The following PLEKHH1 variants were observed in gnomAD, a reference collection of about 807,000 sequenced individuals.
The protein encoded by PLEKHH1 is pleckstrin homology, MyTH4 and FERM domain containing H1.
In PLEKHH1, 104 loss-of-function variants were observed where a neutral mutation model predicts 160.0. The ratio of observed to expected loss-of-function variants is 0.65; its 90% CI spans 0.55 to 0.76. The LOEUF is 0.76. Ranked by LOEUF, PLEKHH1 falls within the 30% of genes least tolerant of loss-of-function variation. PLEKHH1 has a pLI of 0.00. For missense variants in PLEKHH1, 1,427 were observed against 1,724.1 expected (o/e 0.83, Z 3.05); for synonymous variants, 619 against 678.4 (o/e 0.91, Z 1.36).
At chr14:67,586,329 C>T (rs1401420747) in intron 28 of PLEKHH1, 3 of 1,365,734 alleles carry the variant, frequency 2.2e-6, no homozygotes, top group African/African-American at 2.9e-5. Flanking sequence ...GGCCTAGCTA[C>T]TATTATGCTC....
intron 2 of PLEKHH1, among the ~76,000 whole-genome samples, chr14:67,552,248 A>T (rs913519368): frequency 3.3e-5 from 5 of 152,216 alleles, no homozygotes; most frequent in African/African-American, 1.2e-4. Flanking sequence ...AGCTGAGGAC[A>T]TGGTCCTAGA....
intron 7 of PLEKHH1, 179 bp from the exon 8 acceptor site, chr14:67,568,959 A>C (rs1347097274): frequency 1.7e-6 from 1 of 584,924 alleles, no homozygotes; most frequent in East Asian, 2.9e-5. Flanking sequence ...TATTACCTCC[A>C]TTTAGAGCAG....
Position 67,557,297 on chromosome 14 carries a change from TATCCAATCTGAAGAATGTGGACTCTG to T in PLEKHH1, c.220_245del (p.Ser74GlyfsTer19). The T allele has an allele frequency of 6.2e-7, 1 of 1,613,802 alleles. No homozygotes were observed. Among genetic ancestry groups the T allele is most frequent in the Non-Finnish European group, 8.5e-7 (1 of 1,179,714 alleles). On this transcript the variant is annotated frameshift_variant, in exon 4 of 29. Transcript: ENST00000329153. LOFTEE classifies it high-confidence loss of function. ...GGTGTCATGGAAGAGAAGGTAAAAC[TATCCAATCTGAAGAATGTGGACTCTG>T]AGGGGAGCCTGCACCGGAAATACCA...
chr14:67,554,893 C>A (rs1371001646), intron 2 of PLEKHH1, among the ~76,000 whole-genome samples: 4 of 152,172 alleles, frequency 2.6e-5, no homozygotes, highest in African/African-American at 9.7e-5. Flanking sequence ...CCTCTACTGG[C>A]AGCAAGACAG....
Position 67,587,135 on chromosome 14 carries a change from C to T in PLEKHH1, c.3995C>T (p.Pro1332Leu), listed in dbSNP as rs1269022236. The T allele has an allele frequency of 1.9e-6, 3 of 1,613,970 alleles. No individual in the cohort carries two copies. The highest frequency in any genetic ancestry group is 2.2e-5 in the East Asian group (1 of 44,882). Residue 1332 changes from proline to leucine, a missense_variant, in exon 29 of 29, where the codon CCC becomes CTC. Pro to Leu is a moderately conservative substitution (Grantham distance 98, BLOSUM62 -3). Transcript: ENST00000329153. ...YMNHCTTTVN[P>L]PTNPPGACQL... ...AACCATTGCACTACAACTGTGAACCCCCCCACCAACCCACCCGGAGCCTGC... is the reference window on the plus strand; with the variant it reads ...AACCATTGCACTACAACTGTGAACCTCCCCACCAACCCACCCGGAGCCTGC...
Position 67,574,445 on chromosome 14 carries a change from C to A in PLEKHH1, c.2088+42C>A, listed in dbSNP as rs369575634. ...ATAGGGCAGGAACATGTGCCTCCTG[C>A]GAATCAGGGGAGCCAGGATTGGGGT... On this transcript the variant is annotated intron_variant, in intron 14 of 28. Transcript: ENST00000329153. This position sits in a 1 kb window ranked among gnomAD's most constrained non-coding sequence, Gnocchi z 4.2. 2 of 1,423,306 alleles carry A rather than the reference C, an allele frequency of 1.4e-6. No individual in the cohort carries two copies. Among genetic ancestry groups the A allele is most frequent in the Non-Finnish European group, 1.9e-6 (2 of 1,076,854 alleles). 88.2% of individuals were successfully genotyped at this position (1,423,306 alleles called of 1,614,324 possible).
Position 67,574,383 on chromosome 14 carries a change from G to T in PLEKHH1, c.2068G>T (p.Val690Leu), listed in dbSNP as rs760010101. ...ALLRGGTKPT[V>L]KGWLTKVKHG... ...GCTTCGGGGTGGCACCAAGCCCACCGTGAAGGGCTGGCTGACCAAGGTAGA... is the reference window on the plus strand; with the variant it reads ...GCTTCGGGGTGGCACCAAGCCCACCTTGAAGGGCTGGCTGACCAAGGTAGA... The change falls in exon 14 of 29, where the codon GTG (valine) becomes TTG (leucine). Residue 690 changes from valine (V) to leucine (L), a missense_variant. Val to Leu is a conservative substitution (Grantham distance 32). This residue lies in a region of PLEKHH1 where 831 missense variants were observed against 929.2 expected (regional missense o/e 0.89). Coordinates refer to ENST00000329153, the MANE Select transcript of PLEKHH1 (RefSeq NM_020715.3). The surrounding 1 kb of genome is among the most constrained non-coding windows in gnomAD (Gnocchi z 4.2). The T allele has an allele frequency of 1.4e-5, 22 of 1,580,610 alleles. No homozygotes were observed. The Admixed American group carries it at 2.4e-4, about 17-fold the overall frequency.
chr14:67,573,397 C>T lies in PLEKHH1; in HGVS notation c.1839+11C>T, dbSNP rs1041622995. On this transcript the variant is annotated intron_variant, in intron 12 of 28. Coordinates refer to ENST00000329153, the MANE Select transcript of PLEKHH1 (RefSeq NM_020715.3). The surrounding 1 kb of genome is among the most constrained non-coding windows in gnomAD (Gnocchi z 4.8). ...TACTACAAGTCCCCGGTGAGAGTCT[C>T]CCCGCCCAGCACTGCAGTCAAAAGG... is the stretch of plus-strand genomic sequence containing the variant. The T allele has an allele frequency of 6.7e-7, 1 of 1,490,554 alleles. No homozygotes were observed. The highest frequency in any genetic ancestry group is 1.4e-5 in the African/African-American group (1 of 72,604). The allele number at this position is 1,490,554 out of a possible 1,614,324, so 92.3% of individuals were successfully genotyped here.
rs368134102 is a variant in PLEKHH1 at position 67,573,293 on chromosome 14, G to A, written c.1746G>A (p.Ser582=). ...CCCCTCAGGAGTCACTGGAGAAGTCGGGCTACCTGCTGAAAATGGGGAGCC... is the reference window on the plus strand; with the variant it reads ...CCCCTCAGGAGTCACTGGAGAAGTCAGGCTACCTGCTGAAAATGGGGAGCC... ...LGLGGESLEK[S]GYLLKMGSQV... is the part of the protein sequence containing the mutation. Residue 582 remains serine (S), a synonymous_variant, in exon 12 of 29, where the codon TCG becomes TCA. Coordinates refer to ENST00000329153, the MANE Select transcript of PLEKHH1 (RefSeq NM_020715.3). The surrounding 1 kb of genome is among the most constrained non-coding windows in gnomAD (Gnocchi z 4.8). The A allele has an allele frequency of 2.6e-5, 42 of 1,612,486 alleles. No individual in the cohort carries two copies. The highest frequency in any genetic ancestry group is 1.5e-4 in the African/African-American group (11 of 75,000).
Position 67,573,374 on chromosome 14 carries a change from C to T in PLEKHH1, c.1827C>T (p.Tyr609=), listed in dbSNP as rs746970660. ...TCCTGAGACAGGGACAGATTATGTACTACAAGTCCCCGGTGAGAGTCTCCC... is the reference window on the plus strand; with the variant it reads ...TCCTGAGACAGGGACAGATTATGTATTACAAGTCCCCGGTGAGAGTCTCCC... ...WFVLRQGQIM[Y]YKSPSDVIRK... Residue 609 remains tyrosine, a synonymous_variant, in exon 12 of 29, where the codon TAC becomes TAT. Transcript: ENST00000329153. This position sits in a 1 kb window ranked among gnomAD's most constrained non-coding sequence, Gnocchi z 4.8. 7 of 1,600,142 alleles carry T rather than the reference C, an allele frequency of 4.4e-6. No individual in the cohort carries two copies. The highest frequency in any genetic ancestry group is 1.7e-4 in the Middle Eastern group (1 of 6,032).
intron 7 of PLEKHH1, among the ~76,000 whole-genome samples, chr14:67,566,316 T>C (rs1168784002): frequency 6.6e-6 from 1 of 152,194 alleles, no homozygotes; most frequent in East Asian, 1.9e-4. Flanking sequence ...GCTGGCTCTC[T>C]TCTTGCTCTG....
At chr14:67,556,024 G>A in intron 3 of PLEKHH1, 137 bp downstream of exon 3, 3 of 1,168,818 alleles carry the variant, frequency 2.6e-6, no homozygotes, top group Non-Finnish European at 2.4e-6. Flanking sequence ...TGTGCGTGGA[G>A]CTTTCTGTGG....
rs2035473414 is a variant in PLEKHH1, at chr14:67,573,304, T to C, written c.1757T>C (p.Leu586Pro). The change falls in exon 12 of 29, where the codon CTG becomes CCG. Residue 586 changes from leucine (L) to proline (P), a missense_variant. Transcript: ENST00000329153. The surrounding 1 kb of genome is among the most constrained non-coding windows in gnomAD (Gnocchi z 4.8). Reference protein sequence around the residue: ...GESLEKSGYLLKMGSQVKTWK... With the variant: ...GESLEKSGYLPKMGSQVKTWK... ...TCACTGGAGAAGTCGGGCTACCTGC[T>C]GAAAATGGGGAGCCAGGTGAAGACG... 12 of 1,613,512 alleles carry C rather than the reference T, an allele frequency of 7.4e-6. No individual in the cohort carries two copies. Among genetic ancestry groups the C allele is most frequent in the Non-Finnish European group, 1.0e-5 (12 of 1,179,596 alleles).
At chr14:67,554,946 T>C (rs555541672) in intron 2 of PLEKHH1, among the ~76,000 whole-genome samples, 1 of 152,350 alleles carries the variant, frequency 6.6e-6, no homozygotes, top group East Asian at 1.9e-4. Flanking sequence ...AGGACCTTGC[T>C]GTGTCACCCA....
chr14:67,554,236 T>C (rs912553426), intron 2 of PLEKHH1, among the ~76,000 whole-genome samples: 2 of 151,516 alleles, frequency 1.3e-5, no homozygotes, highest in African/African-American at 2.4e-5. Flanking sequence ...GGCTGGGGGG[T>C]CCTGCTCATC....
At chr14:67,585,772 T>A in intron 27 of PLEKHH1, 118 bp downstream of exon 27, 1 of 990,830 alleles carries the variant, frequency 1.0e-6, no homozygotes, top group Non-Finnish European at 1.5e-6. Flanking sequence ...CCCCCACTCC[T>A]GCCCAAGCAC....
intron 9 of PLEKHH1, 130 bp from the exon 10 acceptor site, chr14:67,571,622 G>A (rs1195931683): frequency 4.1e-5 from 34 of 830,602 alleles, no homozygotes; most frequent in Non-Finnish European, 6.3e-5. Context: ...ACACTGGACA[G>A]TTGTCTGTTC....
At chr14:67,542,103 T>C (rs1048299296) in intron 2 of PLEKHH1, 110 bp downstream of exon 2, 4 of 1,028,966 alleles carry the variant, frequency 3.9e-6, no homozygotes, top group Non-Finnish European at 5.4e-6. Flanking sequence ...TAAGATGCTT[T>C]TCCCCATATG....
rs2035391348 is a variant in PLEKHH1, at chr14:67,571,847, C to T, written c.1530C>T (p.Pro510=). The T allele has an allele frequency of 3.7e-6, 6 of 1,613,850 alleles. No homozygotes were observed. Among genetic ancestry groups the T allele is most frequent in the Non-Finnish European group, 5.1e-6 (6 of 1,179,822 alleles). ...AGGCGAGTTTCCGAATCTCGGTCCC[C>T]TCCTCTGAGTCCAGGAAGACCAGCG... is the stretch of plus-strand genomic sequence containing the variant. ...SSQASFRISV[P]SSESRKTSGL... The change falls in exon 10 of 29, where the codon CCC becomes CCT. Residue 510 remains proline (P), a synonymous_variant. Coordinates refer to ENST00000329153, the MANE Select transcript of PLEKHH1 (RefSeq NM_020715.3).
Sources: gnomAD v4.1 joint callset for allele counts (sites outside exome capture counted in the v4.1 genomes callset) on GRCh38, gnomAD v4.1.1 for gene constraint, gnomAD v4.1.1 regional missense constraint, Gnocchi (gnomAD v3.1) non-coding constraint, MANE v1.5 for transcripts, NCBI Gene and HGNC (gene_info 2026-07-23, HGNC 2026-07-21) for gene names.